TRIP6: variants seen among roughly 807,000 people sequenced by gnomAD.
TRIP6 encodes the protein thyroid receptor-interacting protein 6.
In TRIP6, 33 loss-of-function variants were observed where a neutral mutation model predicts 51.9. That is an observed-to-expected ratio of 0.64 (90% CI 0.48 to 0.85). The LOEUF is 0.85. Among genes scored for constraint, TRIP6 ranks in the 40% least tolerant of loss-of-function variants. TRIP6 has a pLI of 0.00. For synonymous variants in TRIP6, 255 were observed against 275.8 expected (o/e 0.92, Z 0.75); for missense variants, 661 against 652.1 (o/e 1.01, Z -0.15).
chr7:100,872,821 T>C, intron 8 of TRIP6, 77 bp downstream of exon 8: 1 of 1,551,068 alleles, frequency 6.4e-7, no homozygotes, highest in Non-Finnish European at 8.7e-7. Context: ...AACACAGAGG[T>C]CTGGGGTTGA....
In TRIP6 at chr7:100,867,753, C is replaced by A; in HGVS notation, c.110-108C>A. 6.6e-7 allele frequency: 1 copy of A among 1,511,018 alleles called. No individual in the cohort carries two copies. Among genetic ancestry groups the A allele is most frequent in the Non-Finnish European group, 8.8e-7 (1 of 1,130,944 alleles). 93.6% of individuals were successfully genotyped at this position (1,511,018 alleles called of 1,614,324 possible). A position where few individuals can be genotyped will look rare whatever the true frequency, so the allele number is the denominator to read the frequency against. On this transcript the variant is annotated intron_variant, in intron 1 of 8. Coordinates refer to ENST00000200457, the MANE Select transcript of TRIP6 (RefSeq NM_003302.3). This position sits in a 1 kb window ranked among gnomAD's most constrained non-coding sequence, Gnocchi z 5.4. The stretch of plus-strand genomic sequence containing the variant: ...ACAGCCGCCTGCGCTCTCTTGGGAC[C>A]CTAGATTTGGGGGAGGAGGTAACGA...
chr7:100,868,550 C>A lies in TRIP6; in HGVS notation c.419C>A (p.Pro140Gln). 2 of 1,613,106 alleles carry A rather than the reference C, an allele frequency of 1.2e-6. No individual in the cohort carries two copies. Among genetic ancestry groups the A allele is most frequent in the Non-Finnish European group, 1.7e-6 (2 of 1,180,034 alleles). Residue 140 changes from proline (P) to glutamine (Q), a missense_variant, in exon 4 of 9, where the codon CCA becomes CAA. Transcript: ENST00000200457. Reference protein sequence around the residue: ...AYRTGSLKPNPASPLPASPYG... With the variant: ...AYRTGSLKPNQASPLPASPYG... ...CGCACGGGCTCCCTGAAGCCAAATC[C>A]AGCCTCGCCGCTCCCAGCGTCTCCC...
chr7:100,871,698 C>A lies in TRIP6; in HGVS notation c.1155C>A (p.Ile385=). ...TCACAGTGGATGCTACGAGCCAGATCCACTGCATTGAGGACTTTCACAGGT... is the reference window on the plus strand; with the variant it reads ...TCACAGTGGATGCTACGAGCCAGATACACTGCATTGAGGACTTTCACAGGT... ...IPFTVDATSQ[I]HCIEDFHRKF... Residue 385 remains isoleucine (I), a synonymous_variant, in exon 7 of 9, where the codon ATC becomes ATA. Coordinates refer to ENST00000200457, the MANE Select transcript of TRIP6 (RefSeq NM_003302.3). 1.9e-6 allele frequency: 3 copies of A among 1,614,098 alleles called. No individual in the cohort carries two copies. The highest frequency in any genetic ancestry group is 2.7e-5 in the African/African-American group (2 of 75,076).
At chr7:100,870,815 G>C (rs998003907) in intron 6 of TRIP6, 72 bp downstream of exon 6, 13 of 1,532,454 alleles carry the variant, frequency 8.5e-6, no homozygotes, top group Non-Finnish European at 1.1e-5. Flanking sequence ...GTGGTAACTA[G>C]AGCGTCCAAG....
chr7:100,871,554 G>C lies in TRIP6; in HGVS notation c.1011G>C (p.Glu337Asp). Residue 337 changes from glutamate to aspartate, a missense_variant, in exon 7 of 9, where the codon GAG becomes GAC. By Grantham distance (45) the Glu-to-Asp change is conservative. Transcript: ENST00000200457. ...TTCCTTCCCAACAGGCCACCCTGGA[G>C]AAATGTGCCACGTGCTCCCAGCCCA... Reference protein sequence around the residue: ...YCEGCYVATLEKCATCSQPIL... With the variant: ...YCEGCYVATLDKCATCSQPIL... 6.2e-7 allele frequency: 1 copy of C among 1,613,796 alleles called. No homozygotes were observed.
intron 7 of TRIP6, 90 bp downstream of exon 7, chr7:100,871,811 C>A: frequency 6.9e-7 from 1 of 1,457,962 alleles, no homozygotes. Context: ...CTTCCTGTTT[C>A]CAACCCTGGC....
Position 100,867,720 on chromosome 7 carries a change from C to T in TRIP6, c.109+114C>T, listed in dbSNP as rs1017876501. ...CTCCTGCCCCTTCCCCAAGCCGAGG[C>T]GGGGGGAACAGCCGCCTGCGCTCTC... On this transcript the variant is annotated intron_variant, in intron 1 of 8. Coordinates refer to ENST00000200457, the MANE Select transcript of TRIP6 (RefSeq NM_003302.3). The surrounding 1 kb of genome is among the most constrained non-coding windows in gnomAD (Gnocchi z 5.4). 1.6e-5 allele frequency: 25 copies of T among 1,519,572 alleles called. No homozygotes were observed. Among genetic ancestry groups the T allele is most frequent in the African/African-American group, 2.8e-5 (2 of 70,740 alleles). The allele number at this position is 1,519,572 out of a possible 1,614,324, so 94.1% of individuals were successfully genotyped here.
chr7:100,868,344 T>G, intron 3 of TRIP6, 111 bp downstream of exon 3: 2 of 1,566,592 alleles, frequency 1.3e-6, no homozygotes, highest in Non-Finnish European at 1.7e-6. Context: ...GGAGGAAGCG[T>G]GGCTGCAAGT....
Position 100,870,443 on chromosome 7 carries a change from C to G in TRIP6, c.809C>G (p.Pro270Arg), listed in dbSNP as rs761971242. The change falls in exon 5 of 9, where the codon CCG becomes CGG. Residue 270 changes from proline to arginine, a missense_variant. Pro to Arg is a moderately radical substitution (Grantham distance 103). Coordinates refer to ENST00000200457, the MANE Select transcript of TRIP6 (RefSeq NM_003302.3). ...TKKLVHDMNH[P>R]PSGEYFGQCG... ...AAGCTGGTTCACGACATGAACCACC[C>G]GCCCAGCGGGGAGTACTTTGGTGAG... 6.2e-7 allele frequency: 1 copy of G among 1,613,458 alleles called. No individual in the cohort carries two copies. Among genetic ancestry groups the G allele is most frequent in the Non-Finnish European group, 8.5e-7 (1 of 1,179,900 alleles).
chr7:100,872,806 G>C, intron 8 of TRIP6, 62 bp downstream of exon 8: 3 of 1,597,972 alleles, frequency 1.9e-6, no homozygotes, highest in Non-Finnish European at 2.6e-6. Context: ...TAGAGCATGA[G>C]GGGGAACACA....
In TRIP6 at chr7:100,871,556, A is replaced by G. The variant is rs776757808; in HGVS notation, c.1013A>G (p.Lys338Arg). 26 of 1,613,674 alleles carry G rather than the reference A, an allele frequency of 1.6e-5. No homozygotes were observed. Among genetic ancestry groups the G allele is most frequent in the Non-Finnish European group, 2.1e-5 (25 of 1,179,830 alleles). Residue 338 changes from lysine to arginine, a missense_variant, in exon 7 of 9, where the codon AAA becomes AGA. Lys to Arg is a conservative substitution (Grantham distance 26). Coordinates refer to ENST00000200457, the MANE Select transcript of TRIP6 (RefSeq NM_003302.3). ...CCTTCCCAACAGGCCACCCTGGAGA[A>G]ATGTGCCACGTGCTCCCAGCCCATC... ...CEGCYVATLEKCATCSQPILD... is the reference protein window; with the variant it reads ...CEGCYVATLERCATCSQPILD...
intron 4 of TRIP6, among the ~76,000 whole-genome samples, chr7:100,869,632 CAAAAAAA>C (rs757024618): frequency 2.7e-5 from 1 of 37,644 alleles, no homozygotes; most frequent in Non-Finnish European, 5.4e-5. Context: ...AACTCTGTCT[CAAAAAAA>C]AAAAAAAAAA....
chr7:100,868,677 C>A lies in TRIP6; in HGVS notation c.546C>A (p.Gly182=). ...VKVAQPVRGC[G]PPRRGASQAS... ...TGGCACAGCCAGTGAGGGGCTGCGG[C>A]CCACCCAGGCGGGGAGCCTCTCAGG... is the stretch of plus-strand genomic sequence containing the variant. Residue 182 remains glycine, a synonymous_variant, in exon 4 of 9, where the codon GGC becomes GGA. Coordinates refer to ENST00000200457, the MANE Select transcript of TRIP6 (RefSeq NM_003302.3). 1 of 1,604,446 alleles carries A rather than the reference C, an allele frequency of 6.2e-7. No individual in the cohort carries two copies. The highest frequency in any genetic ancestry group is 1.7e-4 in the Middle Eastern group (1 of 5,878).
At position 100,871,841 on chromosome 7, in the gene TRIP6, T is replaced by C. The variant is rs1815278617; in HGVS notation, c.1178+120T>C. 7 of 1,297,904 alleles carry C rather than the reference T, an allele frequency of 5.4e-6. No homozygotes were observed. The South Asian group carries it at 8.8e-5, about 16-fold the overall frequency. 80.4% of individuals were successfully genotyped at this position (1,297,904 alleles called of 1,614,324 possible). A position where few individuals can be genotyped will look rare whatever the true frequency, so the allele number is the denominator to read the frequency against. Reference sequence around the variant, plus strand: ...CCTGGCCCTCCTTCGTTCTTTGTTATTGTTATTTTTTAGAGACGGAGTTTC... The same window carrying C: ...CCTGGCCCTCCTTCGTTCTTTGTTACTGTTATTTTTTAGAGACGGAGTTTC... On this transcript the variant is annotated intron_variant, in intron 7 of 8. Coordinates refer to ENST00000200457, the MANE Select transcript of TRIP6 (RefSeq NM_003302.3).
At position 100,867,387 on chromosome 7, in the gene TRIP6, A is replaced by T; in HGVS notation, c.-111A>T. 1 of 801,628 alleles carries T rather than the reference A, an allele frequency of 1.2e-6. No homozygotes were observed. The highest frequency in any genetic ancestry group is 1.8e-6 in the Non-Finnish European group (1 of 549,036). The allele number at this position is 801,628 out of a possible 1,614,324, so 49.7% of individuals were successfully genotyped here. On this transcript the variant is annotated 5_prime_UTR_variant, in exon 1 of 9. Transcript: ENST00000200457. This position sits in a 1 kb window ranked among gnomAD's most constrained non-coding sequence, Gnocchi z 5.4. The stretch of plus-strand genomic sequence containing the variant: ...GGGAGGAAGAGGAAAAAAAAAAGCC[A>T]GAAAAAGTTTTCTTTTCTGGAGTCC...
chr7:100,868,763 C>T lies in TRIP6; in HGVS notation c.632C>T (p.Pro211Leu), dbSNP rs1263682201. ...PLPGRGEVWG[P>L]GYRSQREPGP... is the part of the protein sequence containing the mutation. ...CCAGGCCGAGGTGAAGTCTGGGGGC[C>T]TGGCTATAGGAGCCAGAGAGAGCCA... Residue 211 changes from proline to leucine, a missense_variant, in exon 4 of 9, where the codon CCT becomes CTT. By Grantham distance (98) the Pro-to-Leu change is moderately conservative (BLOSUM62 -3). Coordinates refer to ENST00000200457, the MANE Select transcript of TRIP6 (RefSeq NM_003302.3). The T allele has an allele frequency of 1.3e-6, 2 of 1,543,946 alleles. No individual in the cohort carries two copies. The highest frequency in any genetic ancestry group is 1.4e-5 in the African/African-American group (1 of 72,304).
Position 100,873,291 on chromosome 7 carries a change from CACT to C in TRIP6, c.1420_1422del (p.Thr474del), listed in dbSNP as rs1173279853. On this transcript the variant is annotated inframe_deletion, in exon 9 of 9. Transcript: ENST00000200457. ...TCCAGGAGCTCTCAGCCACCGTCAC[CACT>C]GACTGCTGAGTCTTCCTAGAAGTAC... 6.2e-7 allele frequency: 1 copy of C among 1,609,150 alleles called. No homozygotes were observed.
Position 100,868,565 on chromosome 7 carries a change from C to CTATGGGG in TRIP6, c.434_435insTATGGGG (p.Ala146MetfsTer64). On this transcript the variant is annotated frameshift_variant, in exon 4 of 9. Transcript: ENST00000200457. LOFTEE classifies it high-confidence loss of function. ...AAGCCAAATCCAGCCTCGCCGCTCC[C>CTATGGGG]AGCGTCTCCCTATGGGGGCCCCACT... The CTATGGGG allele has an allele frequency of 1.2e-6, 2 of 1,613,110 alleles. No homozygotes were observed. Among genetic ancestry groups the CTATGGGG allele is most frequent in the South Asian group, 2.2e-5 (2 of 91,086 alleles).
In TRIP6 at chr7:100,868,511, C is replaced by T. The variant is rs1256724684; in HGVS notation, c.380C>T (p.Pro127Leu). Residue 127 changes from proline (P) to leucine (L), a missense_variant, in exon 4 of 9, where the codon CCA becomes CTA. By Grantham distance (98) the Pro-to-Leu change is moderately conservative. Coordinates refer to ENST00000200457, the MANE Select transcript of TRIP6 (RefSeq NM_003302.3). ...RPDRQAYEPP[P>L]PPAYRTGSLK... ...TCTCCTCAGGCATATGAGCCCCCGC[C>T]ACCTCCTGCCTACCGCACGGGCTCC... 2 of 1,612,914 alleles carry T rather than the reference C, an allele frequency of 1.2e-6. No individual in the cohort carries two copies. The highest frequency in any genetic ancestry group is 2.7e-5 in the African/African-American group (2 of 74,914).
Sources: allele counts gnomAD v4.1 joint callset (sites outside exome capture counted in the v4.1 genomes callset), GRCh38; gene constraint gnomAD v4.1.1; non-coding constraint Gnocchi (gnomAD v3.1); transcripts MANE v1.5; gene names NCBI Gene and HGNC (gene_info 2026-07-23, HGNC 2026-07-21).